ECE1: variants seen among roughly 807,000 people sequenced by gnomAD.
ECE1 encodes the protein endothelin-converting enzyme 1.
ECE1 carries 35 observed loss-of-function variants against 98.6 expected under a neutral mutation model. The ratio of observed to expected loss-of-function variants is 0.35; its 90% CI spans 0.27 to 0.47. The LOEUF (loss-of-function observed/expected upper bound fraction) is 0.47, where lower values mean the gene tolerates loss of function less well. ECE1 is among the 20% of genes least tolerant of loss of function. ECE1 has a pLI of 1.00. For missense variants in ECE1, 814 were observed against 1,025.3 expected, an observed-to-expected ratio of 0.79 and a Z score of 2.81; for synonymous variants, 394 against 407.1, an observed-to-expected ratio of 0.97 and a Z score of 0.39.
At position 21,255,925 on chromosome 1, in the gene ECE1, T is replaced by C. The variant is rs778930175; in HGVS notation, c.1020+22A>G. ...AACCTGGAGGCCATCCCAGCCTCCC[T>C]AGCAGCCGGCGCTCAAGTTACCTGC... is the stretch of plus-strand genomic sequence containing the variant. On this transcript the variant is annotated intron_variant, in intron 8 of 18. Transcript: ENST00000374893. The C allele has an allele frequency of 3.7e-6, 6 of 1,613,322 alleles. No individual in the cohort carries two copies. The African/African-American group carries it at 4.0e-5, about 11-fold the overall frequency.
At chr1:21,239,542 C>T (rs1456243399) in intron 10 of ECE1, among the ~76,000 whole-genome samples, 1 of 152,110 alleles carries the variant, frequency 6.6e-6, no homozygotes, top group Non-Finnish European at 1.5e-5. Context: ...TACTTGGCAA[C>T]AAAAAGGAAT....
At chr1:21,285,740 C>CCAG (rs2098259836) in intron 2 of ECE1, among the ~76,000 whole-genome samples, 1 of 150,180 alleles carries the variant, frequency 6.7e-6, no homozygotes. Flanking sequence ...GCCTGCAATC[C>CCAG]CAGCACTTTG....
chr1:21,300,364 C>T (rs1174860807), intron 1 of ECE1, among the ~76,000 whole-genome samples: 5 of 152,194 alleles, frequency 3.3e-5, no homozygotes, highest in African/African-American at 1.2e-4. Context: ...TAACACTGCA[C>T]TCATCAGGGG....
rs1639378620 is a variant in ECE1 at position 21,340,491 on chromosome 1, C to A, written c.3+4885G>T. 6.6e-6 allele frequency among the ~76,000 whole-genome samples: 1 copy of A among 152,234 alleles called. No individual in the cohort carries two copies. The highest frequency in any genetic ancestry group is 6.5e-5 in the Admixed American group (1 of 15,278). On this transcript the variant is annotated intron_variant, in intron 1 of 18. Transcript: ENST00000415912. This position sits in a 1 kb window ranked among gnomAD's most constrained non-coding sequence, Gnocchi z 4.6. ...CTCCTTCTACTCAATCACCACAAAG[C>A]AGCCTGTGACCATCTCAGAATGCAA...
Position 21,258,620 on chromosome 1 carries a change from A to T in ECE1, c.762+73T>A. 2.5e-6 allele frequency: 2 copies of T among 795,806 alleles called. No homozygotes were observed. Among genetic ancestry groups the T allele is most frequent in the Non-Finnish European group, 2.0e-6 (1 of 499,564 alleles). The allele number at this position is 795,806 out of a possible 1,614,324, so 49.3% of individuals were successfully genotyped here. ...CCAGGGCAAGCCCCTCTCCCACCCC[A>T]GGTCCTGCTAAACTCAAAACAGGAA... is the stretch of plus-strand genomic sequence containing the variant. On this transcript the variant is annotated intron_variant, in intron 6 of 18. Transcript: ENST00000374893. This position sits in a 1 kb window ranked among gnomAD's most constrained non-coding sequence, Gnocchi z 4.2.
At chr1:21,222,063 C>A in intron 17 of ECE1, 1 of 583,944 alleles carries the variant, frequency 1.7e-6, no homozygotes, top group African/African-American at 1.9e-5. Context: ...ACATTTACAC[C>A]TTCTGCTCCA....
At chr1:21,344,031 G>A (rs768581116) in intron 1 of ECE1, among the ~76,000 whole-genome samples, 1 of 152,144 alleles carries the variant, frequency 6.6e-6, no homozygotes, top group Non-Finnish European at 1.5e-5. Flanking sequence ...GAGGAGGTAG[G>A]TTGAGTCTCA....
intron 2 of ECE1, chr1:21,280,003 G>A (rs2098252536): frequency 6.5e-6 from 1 of 152,972 alleles, no homozygotes; most frequent in East Asian, 1.9e-4. Flanking sequence ...GAGATGCAAG[G>A]AGAAATAGCT....
At chr1:21,329,611 A>G (rs1048276111) in intron 1 of ECE1, among the ~76,000 whole-genome samples, 1 of 152,192 alleles carries the variant, frequency 6.6e-6, no homozygotes, top group South Asian at 2.1e-4. Flanking sequence ...GAGGTGCCTT[A>G]TGCAAAGCAC....
chr1:21,317,828 A>T (rs1638865063), intron 1 of ECE1, among the ~76,000 whole-genome samples: 1 of 152,212 alleles, frequency 6.6e-6, no homozygotes, highest in South Asian at 2.1e-4. Flanking sequence ...AGGCTCAGAC[A>T]GGTCATGTGA....
intron 1 of ECE1, among the ~76,000 whole-genome samples, chr1:21,306,841 A>G (rs1638608892): frequency 6.6e-6 from 1 of 152,126 alleles, no homozygotes; most frequent in Admixed American, 6.5e-5. Context: ...TCTGGGGAGG[A>G]GTCGAGGAAG....
chr1:21,320,874 T>C (rs1638948686), intron 1 of ECE1, among the ~76,000 whole-genome samples: 1 of 152,204 alleles, frequency 6.6e-6, no homozygotes, highest in Non-Finnish European at 1.5e-5. Flanking sequence ...CTCCCCTGCC[T>C]ACTGCCGAGG....
At position 21,225,502 on chromosome 1, in the gene ECE1, C is replaced by T. The variant is rs1262244453; in HGVS notation, c.1850-62G>A. ...AGGGGCACAGCAGGGACCTGCTGCTCCTCCCTGCTCCTGGTGAGAAGCGGT... is the reference window on the plus strand; with the variant it reads ...AGGGGCACAGCAGGGACCTGCTGCTTCTCCCTGCTCCTGGTGAGAAGCGGT... On this transcript the variant is annotated intron_variant, in intron 16 of 18. Transcript: ENST00000374893. This position sits in a 1 kb window ranked among gnomAD's most constrained non-coding sequence, Gnocchi z 5.3. 1.3e-6 allele frequency: 2 copies of T among 1,563,746 alleles called. No individual in the cohort carries two copies. Among genetic ancestry groups the T allele is most frequent in the Admixed American group, 3.6e-5 (2 of 55,454 alleles).
At chr1:21,336,493 G>A (rs955210968) in intron 1 of ECE1, among the ~76,000 whole-genome samples, 4 of 152,112 alleles carry the variant, frequency 2.6e-5, no homozygotes, top group African/African-American at 4.8e-5. Context: ...TCAGGAGTTC[G>A]AGACCAGGCT....
At position 21,340,982 on chromosome 1, in the gene ECE1, A is replaced by G. The variant is rs1639387127; in HGVS notation, c.3+4394T>C. 6.6e-6 allele frequency among the ~76,000 whole-genome samples: 1 copy of G among 151,994 alleles called. No homozygotes were observed. Among genetic ancestry groups the G allele is most frequent in the Non-Finnish European group, 1.5e-5 (1 of 67,994 alleles). On this transcript the variant is annotated intron_variant, in intron 1 of 18. Coordinates refer to the ECE1 transcript ENST00000415912. The surrounding 1 kb of genome is among the most constrained non-coding windows in gnomAD (Gnocchi z 4.6). ...GCACAGTCCTCCGTGCCTCCAGATG[A>G]ACCATCCCTGAAGGCACAGCGGTCT...
intron 18 of ECE1, among the ~76,000 whole-genome samples, chr1:21,221,451 C>T (rs545721489): frequency 3.3e-5 from 5 of 152,164 alleles, no homozygotes; most frequent in Admixed American, 2.0e-4. Flanking sequence ...GGATTATAGG[C>T]GTGGGCTGCT....
rs190520857 is a variant in ECE1, at chr1:21,322,080, C to T, written c.3+23296G>A. Among the ~76,000 whole-genome samples the T allele has an allele frequency of 7.9e-5, 12 of 152,316 alleles. 1 individual carries two copies. In the East Asian group the frequency reaches 1.7e-3, roughly 22 times the overall value. On this transcript the variant is annotated intron_variant, in intron 1 of 18. Coordinates refer to the ECE1 transcript ENST00000415912. The surrounding 1 kb of genome is among the most constrained non-coding windows in gnomAD (Gnocchi z 4.1). Reference sequence around the variant, plus strand: ...GGTCTGGTCTTGTCTCCCTCCTCCTCTGCCTGAAGCTCCCTCACTGCTGCC... The same window carrying T: ...GGTCTGGTCTTGTCTCCCTCCTCCTTTGCCTGAAGCTCCCTCACTGCTGCC...
intron 17 of ECE1, 173 bp from the exon 18 acceptor site, chr1:21,222,015 C>A: frequency 1.5e-6 from 1 of 682,360 alleles, no homozygotes; most frequent in East Asian, 2.7e-5. Context: ...TCGTTTAGCC[C>A]TATGGCTTAA....
At chr1:21,273,171 C>T (rs1469824307) in intron 3 of ECE1, among the ~76,000 whole-genome samples, 1 of 152,250 alleles carries the variant, frequency 6.6e-6, no homozygotes, top group Non-Finnish European at 1.5e-5. Context: ...ACCTTCTCCT[C>T]CATAAATATT....
Sources: gnomAD v4.1 joint callset for allele counts (sites outside exome capture counted in the v4.1 genomes callset) on GRCh38, gnomAD v4.1.1 for gene constraint, Gnocchi (gnomAD v3.1) non-coding constraint, MANE v1.5 for transcripts, NCBI Gene and HGNC (gene_info 2026-07-23, HGNC 2026-07-21) for gene names.